The following RABGAP1L variants were observed in gnomAD, a reference collection of about 807,000 sequenced individuals.
RABGAP1L encodes rab GTPase-activating protein 1-like.
A neutral mutation model predicts 137.7 loss-of-function variants in RABGAP1L; 63 were observed. The ratio of observed to expected loss-of-function variants is 0.46; its 90% confidence interval spans 0.37 to 0.56. The LOEUF (loss-of-function observed/expected upper bound fraction) is 0.56. Among genes scored for constraint, RABGAP1L ranks in the 20% least tolerant of loss-of-function variants. RABGAP1L has a pLI of 0.00. For synonymous variants in RABGAP1L, 431 were observed against 433.7 expected (o/e 0.99, Z 0.08); for missense variants, 1,095 against 1,244.0 (o/e 0.88, Z 1.80).
At chr1:174,274,037 A>G (rs1482718832) in intron 8 of RABGAP1L, among the ~76,000 whole-genome samples, 1 of 152,150 alleles carries the variant, frequency 6.6e-6, no homozygotes, top group Non-Finnish European at 1.5e-5. Flanking sequence ...GACTACTTCT[A>G]ATGAAGAGAA....
Position 174,666,778 on chromosome 1 carries a change from G to A in RABGAP1L, c.1825-16744G>A, listed in dbSNP as rs576124813. Among the ~76,000 whole-genome samples the A allele has an allele frequency of 2.6e-5, 4 of 152,134 alleles. No homozygotes were observed. In the East Asian group the frequency reaches 7.7e-4, roughly 29 times the overall value. On this transcript the variant is annotated intron_variant, in intron 14 of 25. Transcript: ENST00000681986. ...TTATAGCAACCCAGGTAAGGTTTGT[G>A]TGTGAGGGAGCATTTTGGAGAAAAG...
At chr1:174,528,349 T>G (rs556868564) in intron 13 of RABGAP1L, among the ~76,000 whole-genome samples, 1 of 152,298 alleles carries the variant, frequency 6.6e-6, no homozygotes, top group South Asian at 2.1e-4. Context: ...GTCAGTTTGC[T>G]TCCAGGTTTA....
In RABGAP1L at chr1:174,269,802, A is replaced by C. The variant is rs140603588; in HGVS notation, c.987-2612A>C. ...TCAGATTCTAATTGCCTGTTTACTT[A>C]TTTTCCCCCCCACTATACTGTAAAC... On this transcript the variant is annotated intron_variant, in intron 7 of 25. Transcript: ENST00000681986. Among the ~76,000 whole-genome samples, 103 of 152,124 alleles carry C rather than the reference A, an allele frequency of 6.8e-4. 1 individual carries two copies. The highest frequency in any genetic ancestry group is 2.3e-3 in the African/African-American group (94 of 41,494).
intron 9 of RABGAP1L, 42 bp downstream of exon 9, chr1:174,275,977 T>C (rs900271100): frequency 2.0e-6 from 3 of 1,506,730 alleles, no homozygotes; most frequent in Middle Eastern, 1.7e-4. Flanking sequence ...GCTTTACATT[T>C]TATATTATGA....
At chr1:174,769,751 G>T (rs1467289324) in intron 18 of RABGAP1L, among the ~76,000 whole-genome samples, 2 of 152,124 alleles carry the variant, frequency 1.3e-5, no homozygotes, top group African/African-American at 4.8e-5. Context: ...GACTCCAGAG[G>T]CTGAGCCAGG....
At chr1:174,203,812 G>A (rs1046341136) in intron 1 of RABGAP1L, among the ~76,000 whole-genome samples, 5 of 151,976 alleles carry the variant, frequency 3.3e-5, no homozygotes, top group African/African-American at 7.3e-5. Context: ...GTTCTACCTC[G>A]TGGTTGGCTG....
chr1:174,559,936 C>T (rs1338400901), intron 13 of RABGAP1L, among the ~76,000 whole-genome samples: 1 of 152,120 alleles, frequency 6.6e-6, no homozygotes. Flanking sequence ...GAGTTCGAGA[C>T]CAGCCTGGCC....
intron 16 of RABGAP1L, among the ~76,000 whole-genome samples, chr1:174,701,743 C>A (rs1257406192): frequency 3.4e-4 from 45 of 133,138 alleles, no homozygotes; most frequent in East Asian, 4.4e-4. Flanking sequence ...ACTCTTATCT[C>A]AAAAAAAAAA....
chr1:174,468,893 T>A (rs1457821158), intron 13 of RABGAP1L, among the ~76,000 whole-genome samples: 2 of 152,186 alleles, frequency 1.3e-5, no homozygotes, highest in African/African-American at 4.8e-5. Flanking sequence ...TGCAGATAAG[T>A]GTTATACTAA....
intron 13 of RABGAP1L, among the ~76,000 whole-genome samples, chr1:174,416,148 T>C (rs545550641): frequency 2.0e-5 from 3 of 151,232 alleles, no homozygotes; most frequent in African/African-American, 7.3e-5. Context: ...GGACAAAAAA[T>C]AGATTGAGCT....
At chr1:174,792,602 A>G (rs980461400) in intron 18 of RABGAP1L, among the ~76,000 whole-genome samples, 5 of 152,230 alleles carry the variant, frequency 3.3e-5, no homozygotes, top group African/African-American at 1.2e-4. Context: ...TACGGCACTG[A>G]TAGTGATAAT....
intron 18 of RABGAP1L, chr1:174,799,857 A>C: frequency 1.0e-6 from 1 of 988,166 alleles, no homozygotes; most frequent in Non-Finnish European, 1.2e-6. Context: ...TTGCAGCTTC[A>C]CAACTGCCCT....
intron 19 of RABGAP1L, among the ~76,000 whole-genome samples, chr1:174,946,934 ATATATATGTGTG>A (rs1330684349): frequency 5.0e-4 from 35 of 69,828 alleles, no homozygotes; most frequent in African/African-American, 1.4e-3. Context: ...ATATATATAT[ATATATATGTGTG>A]TGTGTGTGTG....
chr1:174,330,494 A>T lies in RABGAP1L; in HGVS notation c.1465+25367A>T, dbSNP rs191551551. 5.6e-4 allele frequency among the ~76,000 whole-genome samples: 86 copies of T among 152,246 alleles called. 1 individual carries two copies. Among genetic ancestry groups the T allele is most frequent in the East Asian group, 5.6e-3 (29 of 5,178 alleles). On this transcript the variant is annotated intron_variant, in intron 11 of 25. Coordinates refer to ENST00000681986, the MANE Select transcript of RABGAP1L (RefSeq NM_001366446.1). ...CAGCTACTCAGGAGACTGAGGGAGG[A>T]GGATTGCTTGGGCCCAGGAGTTTGG...
At chr1:174,910,178 G>A (rs994395616) in intron 19 of RABGAP1L, among the ~76,000 whole-genome samples, 9 of 152,044 alleles carry the variant, frequency 5.9e-5, no homozygotes, top group African/African-American at 2.2e-4. Flanking sequence ...GATCAAAGCT[G>A]TAGTTTAAAG....
At position 174,866,920 on chromosome 1, in the gene RABGAP1L, AT is replaced by A. The variant is rs768820123; in HGVS notation, c.2340+54971del. Among the ~76,000 whole-genome samples the A allele has an allele frequency of 5.8e-3, 868 of 150,682 alleles. 9 individuals carry two copies. Among genetic ancestry groups the A allele is most frequent in the African/African-American group, 0.016 (664 of 41,112 alleles). ...AGTGAGACCCTGTCTCAAAAAAAAA[AT>A]TTTTTTTTTTAAATTTAAAAATTAG... On this transcript the variant is annotated intron_variant, in intron 19 of 25. Coordinates refer to ENST00000681986, the MANE Select transcript of RABGAP1L (RefSeq NM_001366446.1).
intron 13 of RABGAP1L, among the ~76,000 whole-genome samples, chr1:174,454,600 G>T (rs1176894890): frequency 2.0e-5 from 3 of 148,074 alleles, no homozygotes; most frequent in Non-Finnish European, 4.4e-5. Flanking sequence ...GCCCAGGCTG[G>T]AGGGCAGTGG....
At chr1:174,420,057 GT>G (rs1360025682) in intron 13 of RABGAP1L, among the ~76,000 whole-genome samples, 1 of 152,182 alleles carries the variant, frequency 6.6e-6, no homozygotes, top group African/African-American at 2.4e-5. Flanking sequence ...AGGAAGAAAA[GT>G]TTTGTTTCCC....
intron 1 of RABGAP1L, among the ~76,000 whole-genome samples, chr1:174,218,851 C>T (rs530146480): frequency 1.3e-5 from 2 of 152,028 alleles, no homozygotes; most frequent in South Asian, 4.1e-4. Flanking sequence ...GTCAGGTAAA[C>T]AGTGATAAAT....
Sources: gnomAD v4.1 joint callset for allele counts (sites outside exome capture counted in the v4.1 genomes callset) on GRCh38, gnomAD v4.1.1 for gene constraint, MANE v1.5 for transcripts, NCBI Gene and HGNC (gene_info 2026-07-23, HGNC 2026-07-21) for gene names.